Variants in GCLC observed in about 807,000 individuals in gnomAD.
The protein encoded by GCLC is glutamate--cysteine ligase catalytic subunit.
Under a neutral mutation model 81.5 loss-of-function variants are expected in GCLC, and 30 were observed. That is an observed-to-expected ratio of 0.37 (90% CI 0.28 to 0.50). The LOEUF (loss-of-function observed/expected upper bound fraction) is 0.50. Among genes scored for constraint, GCLC ranks in the 20% least tolerant of loss-of-function variants. GCLC has a pLI of 0.96. For missense variants in GCLC, 556 were observed against 777.4 expected (o/e 0.72, Z 3.39); for synonymous variants, 262 against 273.3 (o/e 0.96, Z 0.41).
At chr6:53,515,628 A>G (rs779336942) in intron 4 of GCLC, among the ~76,000 whole-genome samples, 48 of 152,240 alleles carry the variant, frequency 3.2e-4, no homozygotes, top group African/African-American at 1.1e-3. Context: ...AAACCTCAGA[A>G]TTGAACAACA....
chr6:53,542,018 C>T (rs951725449), intron 1 of GCLC, among the ~76,000 whole-genome samples: 2 of 152,072 alleles, frequency 1.3e-5, no homozygotes, highest in African/African-American at 4.8e-5. Context: ...CAGGCACATG[C>T]CACTAATTTT....
At chr6:53,521,056 T>C (rs1762982863) in intron 2 of GCLC, 96 bp from the exon 3 acceptor site, 1 of 945,838 alleles carries the variant, frequency 1.1e-6, no homozygotes, top group Admixed American at 1.7e-5. Flanking sequence ...GTAGAAACCA[T>C]TAGGTATAAA....
At chr6:53,514,989 C>A (rs776501287) in intron 4 of GCLC, among the ~76,000 whole-genome samples, 24 of 152,134 alleles carry the variant, frequency 1.6e-4, no homozygotes, top group Non-Finnish European at 3.4e-4. Context: ...CACACAGTGG[C>A]CACTGAGTAC....
chr6:53,505,807 A>G lies in GCLC; in HGVS notation c.1286T>C (p.Met429Thr). 1 of 1,587,496 alleles carries G rather than the reference A, an allele frequency of 6.3e-7. No individual in the cohort carries two copies. Among genetic ancestry groups the G allele is most frequent in the Non-Finnish European group, 8.7e-7 (1 of 1,155,772 alleles). ...TTGCTGATGCATGTGTCTTACCTCC[A>G]TGGGTCGAAATTCTACTCTCCATCC... is the stretch of plus-strand genomic sequence containing the variant. ...DIGWRVEFRP[M>T]EVQLTDFENS... Residue 429 changes from methionine (M) to threonine (T), a missense_variant, in exon 11 of 16, where the codon ATG becomes ACG. Met to Thr is a moderately conservative substitution (Grantham distance 81, BLOSUM62 -1). This residue lies in a region of GCLC where 313 missense variants were observed against 437.3 expected (regional missense o/e 0.72). Transcript: ENST00000650454.
chr6:53,516,965 T>C (rs1764885304), intron 3 of GCLC, among the ~76,000 whole-genome samples: 1 of 152,002 alleles, frequency 6.6e-6, no homozygotes, highest in Non-Finnish European at 1.5e-5. Context: ...ATATTACATG[T>C]GCTGTGAGGG....
rs140051049 is a variant in GCLC, at chr6:53,499,924, T to C, written c.1702+121A>G. The C allele has an allele frequency of 4.6e-4, 349 of 751,408 alleles. No individual in the cohort carries two copies. In the African/African-American group the frequency reaches 5.4e-3, roughly 12 times the overall value. The allele number at this position is 751,408 out of a possible 1,614,324, so 46.5% of individuals were successfully genotyped here. On this transcript the variant is annotated intron_variant, in intron 15 of 15. Coordinates refer to ENST00000650454, the MANE Select transcript of GCLC (RefSeq NM_001498.4). ...TAAGGTGAATACAATTGCAGAAATA[T>C]AAAAATGTGAAACTGTGCATGAATA...
At chr6:53,533,800 T>TC (rs1763212443) in intron 1 of GCLC, among the ~76,000 whole-genome samples, 2 of 150,622 alleles carry the variant, frequency 1.3e-5, no homozygotes, top group South Asian at 4.2e-4. Flanking sequence ...TTCTTTTCTT[T>TC]TTTTTTTTTT....
chr6:53,511,837 T>C (rs1764752212), intron 6 of GCLC, among the ~76,000 whole-genome samples: 1 of 121,646 alleles, frequency 8.2e-6, no homozygotes, highest in African/African-American at 3.2e-5. Context: ...AACATATATG[T>C]TAGAAACTGA....
chr6:53,541,524 C>T (rs550228662), intron 1 of GCLC, among the ~76,000 whole-genome samples: 1 of 152,032 alleles, frequency 6.6e-6, no homozygotes, highest in South Asian at 2.1e-4. Flanking sequence ...AAAAAATGAG[C>T]AGCGGGTTAT....
intron 1 of GCLC, among the ~76,000 whole-genome samples, chr6:53,537,738 T>C (rs1329212460): frequency 6.6e-6 from 1 of 151,162 alleles, no homozygotes; most frequent in African/African-American, 2.4e-5. Context: ...CAGTTAACTG[T>C]AAAAAAAAAC....
chr6:53,535,299 G>A (rs190854395), intron 1 of GCLC, among the ~76,000 whole-genome samples: 16 of 152,348 alleles, frequency 1.1e-4, no homozygotes, highest in Non-Finnish European at 1.8e-4. Context: ...CGGACTGCCT[G>A]AGCTCAGGAG....
intron 3 of GCLC, among the ~76,000 whole-genome samples, chr6:53,520,486 G>A (rs989574585): frequency 7.2e-5 from 11 of 152,142 alleles, no homozygotes; most frequent in African/African-American, 2.4e-4. Flanking sequence ...CTCCACCCTC[G>A]CCTGCGGCAG....
chr6:53,530,484 G>A (rs1057179130), intron 1 of GCLC, among the ~76,000 whole-genome samples: 2 of 152,192 alleles, frequency 1.3e-5, no homozygotes, highest in Non-Finnish European at 2.9e-5. Context: ...TTGGGGTTCT[G>A]ATTCTGGCCT....
At position 53,544,260 on chromosome 6, in the gene GCLC, A is replaced by C. The variant is rs540866898; in HGVS notation, c.150+236T>G. ...GCGCCCAATCCGTGTTTATGGAATG[A>C]AGGGGAAAACCCAAAAGAATGAATG... On this transcript the variant is annotated intron_variant, in intron 1 of 15. Coordinates refer to ENST00000650454, the MANE Select transcript of GCLC (RefSeq NM_001498.4). Among the ~76,000 whole-genome samples, 4 of 152,366 alleles carry C rather than the reference A, an allele frequency of 2.6e-5. No homozygotes were observed. In the South Asian group the frequency reaches 8.3e-4, roughly 32 times the overall value.
At chr6:53,500,003 A>C in intron 15 of GCLC, 42 bp downstream of exon 15, 1 of 1,383,594 alleles carries the variant, frequency 7.2e-7, no homozygotes, top group African/African-American at 1.4e-5. Context: ...AGATTATACC[A>C]TGCTGTCTAT....
intron 1 of GCLC, among the ~76,000 whole-genome samples, chr6:53,540,678 C>G (rs1051528356): frequency 1.4e-5 from 2 of 148,054 alleles, no homozygotes; most frequent in Non-Finnish European, 2.9e-5. Context: ...CACACACACA[C>G]ACACACACAC....
chr6:53,532,861 G>T (rs1236172729), intron 1 of GCLC, among the ~76,000 whole-genome samples: 1 of 152,094 alleles, frequency 6.6e-6, no homozygotes, highest in Non-Finnish European at 1.5e-5. Flanking sequence ...GTATTGTGTG[G>T]AAATAAGTTC....
intron 3 of GCLC, among the ~76,000 whole-genome samples, chr6:53,517,722 C>T (rs555841901): frequency 2.6e-4 from 40 of 152,206 alleles, no homozygotes; most frequent in African/African-American, 9.1e-4. Context: ...CGGACACCTA[C>T]GGCACTGCTT....
chr6:53,510,072 T>C (rs1290998693), intron 6 of GCLC: 1 of 152,252 alleles, frequency 6.6e-6, no homozygotes, highest in Non-Finnish European at 1.5e-5. Flanking sequence ...TGAGGAAAGA[T>C]GTGGGGAGAG....
Sources: allele counts gnomAD v4.1 joint callset (sites outside exome capture counted in the v4.1 genomes callset), GRCh38; gene constraint gnomAD v4.1.1; regional missense constraint gnomAD v4.1.1; transcripts MANE v1.5; gene names NCBI Gene and HGNC (gene_info 2026-07-23, HGNC 2026-07-21).